The following DLG2 variants were observed in gnomAD, a reference collection of about 807,000 sequenced individuals.
DLG2 encodes discs large MAGUK scaffold protein 2.
Under a neutral mutation model 132.5 loss-of-function variants are expected in DLG2, and 45 were observed. That is an observed-to-expected ratio of 0.34 (90% CI 0.27 to 0.44). DLG2 has a LOEUF of 0.44. Among genes scored for constraint, DLG2 ranks in the 20% least tolerant of loss-of-function variants. The pLI is 1.00. For missense variants in DLG2, 1,045 were observed against 1,196.9 expected (o/e 0.87, Z 1.87); for synonymous variants, 424 against 419.6 (o/e 1.01, Z -0.13).
At chr11:85,354,520 C>T (rs147231442) in intron 3 of DLG2, among the ~76,000 whole-genome samples, 42 of 152,152 alleles carry the variant, frequency 2.8e-4, no homozygotes, top group Non-Finnish European at 5.9e-4. Flanking sequence ...TTCACAATTC[C>T]TGGGTCTTAT....
chr11:85,208,360 A>C (rs1011155067), intron 4 of DLG2, among the ~76,000 whole-genome samples: 3 of 152,192 alleles, frequency 2.0e-5, no homozygotes, highest in Non-Finnish European at 4.4e-5. Flanking sequence ...GATAAATTTC[A>C]AATTTCACTC....
At chr11:84,212,940 G>T (rs2096776091) in intron 8 of DLG2, among the ~76,000 whole-genome samples, 1 of 152,044 alleles carries the variant, frequency 6.6e-6, no homozygotes. Flanking sequence ...TTACAGGCGT[G>T]AGCCGCGGCG....
intron 19 of DLG2, among the ~76,000 whole-genome samples, chr11:83,609,501 C>A (rs957060416): frequency 1.3e-5 from 2 of 152,130 alleles, no homozygotes; most frequent in African/African-American, 2.4e-5. Context: ...GTTTTAGTTA[C>A]AATGTACACA....
intron 7 of DLG2, among the ~76,000 whole-genome samples, chr11:84,278,799 ATTATTTTAT>A: frequency 1.2e-5 from 1 of 81,018 alleles, no homozygotes; most frequent in Non-Finnish European, 2.8e-5. Flanking sequence ...AATAGTAAAC[ATTATTTTAT>A]TTATTTATTT....
intron 6 of DLG2, among the ~76,000 whole-genome samples, chr11:84,843,643 A>C (rs1275153612): frequency 6.6e-6 from 1 of 151,936 alleles, no homozygotes; most frequent in African/African-American, 2.4e-5. Flanking sequence ...ACCTATACAC[A>C]TCCTCTCATA....
At chr11:85,425,530 A>C (rs2090646804) in intron 3 of DLG2, among the ~76,000 whole-genome samples, 1 of 152,200 alleles carries the variant, frequency 6.6e-6, no homozygotes, top group Non-Finnish European at 1.5e-5. Context: ...ATTGAAAAAA[A>C]ACTTTTAGAA....
chr11:85,616,014 A>G (rs1243642931), intron 2 of DLG2, among the ~76,000 whole-genome samples: 1 of 152,040 alleles, frequency 6.6e-6, no homozygotes, highest in African/African-American at 2.4e-5. Flanking sequence ...GATCCTCACA[A>G]TAATCCTAAG....
At chr11:84,086,727 C>G (rs532622521) in intron 10 of DLG2, among the ~76,000 whole-genome samples, 1 of 152,254 alleles carries the variant, frequency 6.6e-6, no homozygotes, top group South Asian at 2.1e-4. Flanking sequence ...TGTGCTCAAG[C>G]AATCTGCCCG....
At chr11:84,680,957 T>C (rs1033140308) in intron 6 of DLG2, among the ~76,000 whole-genome samples, 1 of 152,168 alleles carries the variant, frequency 6.6e-6, no homozygotes, top group Non-Finnish European at 1.5e-5. Context: ...ATTAATTTAC[T>C]CAACAAACAT....
chr11:85,246,940 G>A (rs1342074967), intron 4 of DLG2, among the ~76,000 whole-genome samples: 1 of 152,090 alleles, frequency 6.6e-6, no homozygotes, highest in Non-Finnish European at 1.5e-5. Flanking sequence ...GAACCCACTA[G>A]AATAGCATTC....
At chr11:84,440,671 T>A (rs1407514323) in intron 7 of DLG2, among the ~76,000 whole-genome samples, 2 of 152,210 alleles carry the variant, frequency 1.3e-5, no homozygotes, top group African/African-American at 4.8e-5. Flanking sequence ...GACCTTTTCC[T>A]TTATAATTTT....
intron 19 of DLG2, among the ~76,000 whole-genome samples, chr11:83,609,163 T>C (rs1359391443): frequency 6.6e-6 from 1 of 152,218 alleles, no homozygotes; most frequent in African/African-American, 2.4e-5. Flanking sequence ...CTTCCCTTGG[T>C]TCGACTTATT....
At chr11:84,466,360 C>G (rs2099094353) in intron 7 of DLG2, among the ~76,000 whole-genome samples, 1 of 151,148 alleles carries the variant, frequency 6.6e-6, no homozygotes. Flanking sequence ...AGATGAATAA[C>G]AAACTAAAAT....
intron 6 of DLG2, among the ~76,000 whole-genome samples, chr11:84,586,209 TTCTC>T (rs2099529538): frequency 1.3e-5 from 2 of 152,152 alleles, no homozygotes; most frequent in African/African-American, 4.8e-5. Context: ...ATTTATTACT[TTCTC>T]TATGTGTTCT....
At chr11:84,949,183 C>A (rs1224001370) in intron 6 of DLG2, among the ~76,000 whole-genome samples, 2 of 152,054 alleles carry the variant, frequency 1.3e-5, no homozygotes, top group Admixed American at 1.3e-4. Context: ...TGATGGCCCA[C>A]AAGCCACAAA....
intron 6 of DLG2, among the ~76,000 whole-genome samples, chr11:85,016,980 TATAA>T (rs2059627823): frequency 6.6e-6 from 1 of 152,178 alleles, no homozygotes; most frequent in Admixed American, 6.6e-5. Flanking sequence ...TACATGTTGT[TATAA>T]ATAAATTCTT....
At chr11:85,500,134 T>C (rs370623436) in intron 3 of DLG2, among the ~76,000 whole-genome samples, 1 of 152,096 alleles carries the variant, frequency 6.6e-6, no homozygotes, top group East Asian at 1.9e-4. Context: ...TGTATTCAAA[T>C]AGGAAGAGAG....
chr11:84,361,153 T>C (rs2098647739), intron 7 of DLG2, among the ~76,000 whole-genome samples: 1 of 151,652 alleles, frequency 6.6e-6, no homozygotes, highest in African/African-American at 2.4e-5. Context: ...TCCTAGAAAG[T>C]GGGAGGGAAA....
chr11:84,598,897 T>A (rs1312597653), intron 6 of DLG2, among the ~76,000 whole-genome samples: 1 of 151,280 alleles, frequency 6.6e-6, no homozygotes, highest in Admixed American at 6.6e-5. Flanking sequence ...TAAGCCACGA[T>A]CACATCACTG....
Sources: allele counts gnomAD v4.1 joint callset (sites outside exome capture counted in the v4.1 genomes callset), GRCh38; gene constraint gnomAD v4.1.1; transcripts MANE v1.5; gene names NCBI Gene and HGNC (gene_info 2026-07-23, HGNC 2026-07-21).